The following CHRNA9 variants were observed in gnomAD, a reference collection of about 807,000 sequenced individuals.
The protein encoded by CHRNA9 is cholinergic receptor nicotinic alpha 9 subunit, also known as neuronal acetylcholine receptor subunit alpha-9.
In CHRNA9, 24 loss-of-function variants were observed where a neutral mutation model predicts 36.8. The ratio of observed to expected loss-of-function variants is 0.65; its 90% confidence interval spans 0.47 to 0.92. CHRNA9 has a LOEUF of 0.92. CHRNA9 is among the 40% of genes least tolerant of loss of function. CHRNA9 has a pLI of 0.00. For synonymous variants in CHRNA9, 231 were observed against 231.8 expected (o/e 1.00, Z 0.03); for missense variants, 610 against 601.2 (o/e 1.01, Z -0.15).
intron 3 of CHRNA9, among the ~76,000 whole-genome samples, chr4:40,343,563 G>A (rs1023616455): frequency 6.6e-6 from 1 of 152,156 alleles, no homozygotes. Context: ...GCTACACTTC[G>A]AGATGAGATT....
chr4:40,343,964 T>C (rs2058789276), intron 3 of CHRNA9, among the ~76,000 whole-genome samples: 2 of 152,080 alleles, frequency 1.3e-5, no homozygotes, highest in South Asian at 4.2e-4. Flanking sequence ...AGATTTGAGA[T>C]GGGGGAGATT....
At chr4:40,353,594 CAAT>C (rs1712863672) in intron 4 of CHRNA9, among the ~76,000 whole-genome samples, 2 of 152,126 alleles carry the variant, frequency 1.3e-5, no homozygotes, top group Non-Finnish European at 2.9e-5. Flanking sequence ...TGCCTCATAA[CAAT>C]GTTTTGGTAA....
chr4:40,339,730 A>G (rs1243236545), intron 3 of CHRNA9, among the ~76,000 whole-genome samples: 1 of 150,750 alleles, frequency 6.6e-6, no homozygotes, highest in Non-Finnish European at 1.5e-5. Flanking sequence ...TGGTGTGATC[A>G]TGGCTCACTA....
At position 40,349,070 on chromosome 4, in the gene CHRNA9, T is replaced by C. The variant is rs1712719769; in HGVS notation, c.554T>C (p.Ile185Thr). The C allele has an allele frequency of 6.2e-7, 1 of 1,614,124 alleles. No homozygotes were observed. The highest frequency in any genetic ancestry group is 8.5e-7 in the Non-Finnish European group (1 of 1,180,022). Reference protein sequence around the residue: ...SWTYNGNQVDIFNALDSGDLS... With the variant: ...SWTYNGNQVDTFNALDSGDLS... ...ACCTACAATGGCAATCAGGTGGACA[T>C]ATTCAACGCCTTGGACAGCGGAGAT... is the stretch of plus-strand genomic sequence containing the variant. The change falls in exon 4 of 5, where the codon ATA becomes ACA. Residue 185 changes from isoleucine to threonine, a missense_variant. Transcript: ENST00000310169.
rs1424932705 is a variant in CHRNA9, at chr4:40,355,082, G to A, written c.*562G>A. ...GGGGAAAAGAACTTTCTTCATAATG[G>A]TGATGTCGTATATGTTGGTTATGTT... On this transcript the variant is annotated 3_prime_UTR_variant, in exon 5 of 5. Transcript: ENST00000310169. The A allele has an allele frequency of 6.6e-6, 1 of 152,610 alleles. No individual in the cohort carries two copies. Among genetic ancestry groups the A allele is most frequent in the South Asian group, 2.1e-4 (1 of 4,834 alleles). The allele number at this position is 152,610 out of a possible 1,614,324, so 9.5% of individuals were successfully genotyped here.
In CHRNA9 at chr4:40,339,021, T is replaced by C. The variant is rs149886403; in HGVS notation, c.365+1657T>C. ...GGCAGGGCGTGAGGACTAACCCCTG[T>C]AATCCCAGCACTTTGGGAGGCCAAG... On this transcript the variant is annotated intron_variant, in intron 3 of 4. Coordinates refer to ENST00000310169, the MANE Select transcript of CHRNA9 (RefSeq NM_017581.4). Among the ~76,000 whole-genome samples the C allele has an allele frequency of 2.8e-3, 427 of 152,304 alleles. 1 individual carries two copies. The highest frequency in any genetic ancestry group is 0.012 in the Admixed American group (180 of 15,302).
chr4:40,341,128 T>C (rs1270971758), intron 3 of CHRNA9, among the ~76,000 whole-genome samples: 2 of 152,186 alleles, frequency 1.3e-5, no homozygotes, highest in Non-Finnish European at 2.9e-5. Context: ...CTCAAAGTTC[T>C]GGCAGGAATG....
intron 4 of CHRNA9, chr4:40,349,956 G>A (rs1045186096): frequency 6.4e-6 from 1 of 155,722 alleles, no homozygotes; most frequent in Non-Finnish European, 1.4e-5. Context: ...TGTTCTCTTA[G>A]TCTCTGCTTC....
intron 3 of CHRNA9, among the ~76,000 whole-genome samples, chr4:40,340,158 T>C (rs1020426704): frequency 5.3e-5 from 8 of 152,132 alleles, no homozygotes; most frequent in African/African-American, 1.9e-4. Flanking sequence ...TACTCATGAG[T>C]TCACACAAGC....
Position 40,349,260 on chromosome 4 carries a change from C to G in CHRNA9, c.744C>G (p.Cys248Trp). Residue 248 changes from cysteine to tryptophan, a missense_variant, in exon 4 of 5, where the codon TGC (cysteine) becomes TGG (tryptophan). Coordinates refer to ENST00000310169, the MANE Select transcript of CHRNA9 (RefSeq NM_017581.4). ...SFYIVNLLIP[C>W]VLISFLAPLS... is the part of the protein sequence containing the mutation. ...ATATCGTCAACCTCCTCATCCCATG[C>G]GTCCTCATATCTTTTCTGGCTCCTC... The G allele has an allele frequency of 6.2e-7, 1 of 1,614,150 alleles. No individual in the cohort carries two copies.
At chr4:40,341,277 T>C (rs1199753728) in intron 3 of CHRNA9, among the ~76,000 whole-genome samples, 1 of 150,514 alleles carries the variant, frequency 6.6e-6, no homozygotes. Flanking sequence ...TGGTCAGGTT[T>C]TTTTTTTTGT....
At chr4:40,341,525 T>C (rs1712501954) in intron 3 of CHRNA9, among the ~76,000 whole-genome samples, 1 of 152,142 alleles carries the variant, frequency 6.6e-6, no homozygotes, top group Non-Finnish European at 1.5e-5. Context: ...ACATCTTCAT[T>C]TGCATAGGGT....
rs59972613 is a variant in CHRNA9 at position 40,350,693 on chromosome 4, TACACACACACACAC to T, written c.898+1300_898+1313del. Among the ~76,000 whole-genome samples the T allele has an allele frequency of 2.1e-5, 3 of 143,880 alleles. 1 individual carries two copies. The highest frequency in any genetic ancestry group is 2.1e-4 in the Admixed American group (3 of 14,390). 94.4% of individuals were successfully genotyped at this position (143,880 alleles called of 152,430 possible). A position where few individuals can be genotyped will look rare whatever the true frequency, so the allele number is the denominator to read the frequency against. On this transcript the variant is annotated intron_variant, in intron 4 of 4. Coordinates refer to ENST00000310169, the MANE Select transcript of CHRNA9 (RefSeq NM_017581.4). ...CCTTTTTATGTCTCTCTTTGCAAAA[TACACACACACACAC>T]ACACACACACACACACACACCTCTC...
chr4:40,336,215 C>T (rs894182690), intron 2 of CHRNA9, among the ~76,000 whole-genome samples: 1 of 152,192 alleles, frequency 6.6e-6, no homozygotes, highest in Non-Finnish European at 1.5e-5. Context: ...GATGGGGTTA[C>T]ATACTGTATG....
chr4:40,343,135 G>A (rs1187778898), intron 3 of CHRNA9, among the ~76,000 whole-genome samples: 1 of 152,102 alleles, frequency 6.6e-6, no homozygotes, highest in African/African-American at 2.4e-5. Context: ...TCCCAGGAAT[G>A]GGCTTCTTAC....
rs370173188 is a variant in CHRNA9, at chr4:40,345,938, T to C, written c.366-2944T>C. On this transcript the variant is annotated intron_variant, in intron 3 of 4. Transcript: ENST00000310169. Reference sequence around the variant, plus strand: ...TACTCAGGAGGCTAAGGCAGGAGAATTGCTTGAACCCAGGAGGCAGAGGTT... The same window carrying C: ...TACTCAGGAGGCTAAGGCAGGAGAACTGCTTGAACCCAGGAGGCAGAGGTT... Among the ~76,000 whole-genome samples, 6 of 152,140 alleles carry C rather than the reference T, an allele frequency of 3.9e-5. No homozygotes were observed. In the East Asian group the frequency reaches 1.2e-3, roughly 29 times the overall value.
chr4:40,351,059 C>T (rs113727090), intron 4 of CHRNA9, among the ~76,000 whole-genome samples: 2 of 151,094 alleles, frequency 1.3e-5, no homozygotes, highest in African/African-American at 4.8e-5. Context: ...AAATGAAGGC[C>T]GGGCTTGGTA....
chr4:40,353,264 G>A (rs771535997), intron 4 of CHRNA9, among the ~76,000 whole-genome samples: 4 of 152,180 alleles, frequency 2.6e-5, no homozygotes, highest in Admixed American at 6.5e-5. Flanking sequence ...GCCGGGGTAG[G>A]CAGATCTCTC....
At chr4:40,349,453 A>C in intron 4 of CHRNA9, 39 bp downstream of exon 4, 2 of 1,578,330 alleles carry the variant, frequency 1.3e-6, no homozygotes, top group Non-Finnish European at 1.7e-6. Context: ...CCAGCTTTGT[A>C]GTGCCTGGGG....
Sources: allele counts gnomAD v4.1 joint callset (sites outside exome capture counted in the v4.1 genomes callset), GRCh38; gene constraint gnomAD v4.1.1; transcripts MANE v1.5; gene names NCBI Gene and HGNC (gene_info 2026-07-23, HGNC 2026-07-21).